The following SCAND3 variants were observed in gnomAD, a reference collection of about 807,000 sequenced individuals.
SCAND3 encodes the protein SCAN domain-containing protein 3.
chr6:28,576,009 C>A, the SCAND3 span: 4 of 1,613,644 alleles, frequency 2.5e-6, no homozygotes. Flanking sequence ...TTTCCAGTAA[C>A]CTTGCTAAGC....
chr6:28,586,721 G>A, the SCAND3 span: 41 of 1,607,886 alleles, frequency 2.5e-5, no homozygotes, highest in Admixed American at 3.9e-4. This position sits in a 1 kb window ranked among gnomAD's most constrained non-coding sequence, Gnocchi z 4.4. Context: ...CTTCCATCCC[G>A]AGCTTAGACA....
the SCAND3 span, among the ~76,000 whole-genome samples, chr6:28,580,348 GGAGGCT>G: frequency 6.6e-6 from 1 of 152,040 alleles, no homozygotes; most frequent in African/African-American, 2.4e-5. Flanking sequence ...CAGCTACTCA[GGAGGCT>G]GAGGCAGGAG....
the SCAND3 span, among the ~76,000 whole-genome samples, chr6:28,603,678 A>C: frequency 6.6e-6 from 1 of 151,988 alleles, no homozygotes; most frequent in Non-Finnish European, 1.5e-5. Context: ...AATCGTATAT[A>C]CTTCAGAATT....
the SCAND3 span, among the ~76,000 whole-genome samples, chr6:28,607,231 G>GT: frequency 3.3e-5 from 5 of 152,272 alleles, no homozygotes; most frequent in South Asian, 2.1e-4. Context: ...ACCTCCACCA[G>GT]TTTTGGGAGT....
chr6:28,600,899 C>CTTTT, the SCAND3 span, among the ~76,000 whole-genome samples: 39 of 119,658 alleles, frequency 3.3e-4, no homozygotes, highest in African/African-American at 6.8e-4. Flanking sequence ...CAACATGTGC[C>CTTTT]TTTTTTTTTT....
the SCAND3 span, chr6:28,586,960 A>AGG: frequency 1.9e-6 from 1 of 522,612 alleles, no homozygotes; most frequent in Non-Finnish European, 3.3e-6. The surrounding 1 kb of genome is among the most constrained non-coding windows in gnomAD (Gnocchi z 4.4). Flanking sequence ...TAGTGAGCAC[A>AGG]GAGCGACTCA....
At chr6:28,609,229 A>G in the SCAND3 span, among the ~76,000 whole-genome samples, 1 of 152,222 alleles carries the variant, frequency 6.6e-6, no homozygotes, top group South Asian at 2.1e-4. Context: ...CTATCTATGT[A>G]TCTTGGTAGG....
the SCAND3 span, chr6:28,571,750 T>C: frequency 1.8e-5 from 13 of 720,640 alleles, no homozygotes; most frequent in Non-Finnish European, 2.7e-5. Context: ...AAAATATACA[T>C]ATAGGCAATT....
the SCAND3 span, among the ~76,000 whole-genome samples, chr6:28,601,073 C>A: frequency 6.6e-6 from 1 of 151,688 alleles, no homozygotes; most frequent in East Asian, 1.9e-4. Flanking sequence ...CAGCTAATTT[C>A]TTTTCGTATT....
chr6:28,593,829 C>A, the SCAND3 span, among the ~76,000 whole-genome samples: 2 of 152,202 alleles, frequency 1.3e-5, no homozygotes, highest in Non-Finnish European at 2.9e-5. Context: ...CTCGGCTTCC[C>A]AATTAGCTGA....
chr6:28,613,514 C>T, the SCAND3 span, among the ~76,000 whole-genome samples: 1 of 152,202 alleles, frequency 6.6e-6, no homozygotes, highest in African/African-American at 2.4e-5. Flanking sequence ...CAAATATGAT[C>T]ATTTTAGTCT....
the SCAND3 span, chr6:28,574,861 C>T: frequency 2.5e-6 from 4 of 1,614,008 alleles, no homozygotes; most frequent in Non-Finnish European, 3.4e-6. Context: ...TGATATACAA[C>T]TATTAACACC....
At chr6:28,594,430 G>GGATCACCTGA in the SCAND3 span, among the ~76,000 whole-genome samples, 4 of 152,178 alleles carry the variant, frequency 2.6e-5, no homozygotes, top group Non-Finnish European at 4.4e-5. Context: ...CGAGGCGGGT[G>GGATCACCTGA]GATCACCTGA....
the SCAND3 span, among the ~76,000 whole-genome samples, chr6:28,607,244 G>A: frequency 6.6e-6 from 1 of 152,080 alleles, no homozygotes; most frequent in African/African-American, 2.4e-5. Flanking sequence ...TTGGGAGTGC[G>A]CACTTTCTCC....
the SCAND3 span, among the ~76,000 whole-genome samples, chr6:28,581,650 A>G: frequency 6.6e-6 from 1 of 152,162 alleles, no homozygotes; most frequent in African/African-American, 2.4e-5. Context: ...GCCAGATATC[A>G]TATTAGTGTT....
chr6:28,610,319 C>T, the SCAND3 span, among the ~76,000 whole-genome samples: 5 of 152,018 alleles, frequency 3.3e-5, no homozygotes, highest in African/African-American at 7.3e-5. Flanking sequence ...GTCAGGAGTT[C>T]GAGACCAGCC....
the SCAND3 span, among the ~76,000 whole-genome samples, chr6:28,595,303 C>T: frequency 8.1e-6 from 1 of 123,742 alleles, no homozygotes; most frequent in East Asian, 2.3e-4. Context: ...TGCACTTCAG[C>T]CTCGGTGTTA....
chr6:28,591,067 T>C, the SCAND3 span: 1,219 of 152,328 alleles, frequency 8.0e-3, 15 homozygotes, highest in Admixed American at 0.02. Flanking sequence ...ACCAACACCA[T>C]AGCCTGCCTG....
At chr6:28,588,183 A>G in the SCAND3 span, 9 of 152,146 alleles carry the variant, frequency 5.9e-5, no homozygotes, top group Non-Finnish European at 1.3e-4. This position sits in a 1 kb window ranked among gnomAD's most constrained non-coding sequence, Gnocchi z 4.1. Flanking sequence ...TTCTGTATAA[A>G]ATTTTTGTCT....
Sources: gnomAD v4.1 joint callset for allele counts (sites outside exome capture counted in the v4.1 genomes callset) on GRCh38, gnomAD v4.1.1 for gene constraint, Gnocchi (gnomAD v3.1) non-coding constraint, MANE v1.5 for transcripts, NCBI Gene and HGNC (gene_info 2026-07-23, HGNC 2026-07-21) for gene names.